The following PAPPA variants were observed in gnomAD, a reference collection of about 807,000 sequenced individuals.
The protein encoded by PAPPA is pappalysin-1.
In PAPPA, 60 loss-of-function variants were observed where a neutral mutation model predicts 164.0. The observed-to-expected ratio is 0.37, with a 90% CI of 0.30 to 0.45. The LOEUF (loss-of-function observed/expected upper bound fraction) is 0.45. Ranked by LOEUF, PAPPA falls within the 20% of genes least tolerant of loss-of-function variation. The probability of loss-of-function intolerance (pLI) is 1.00; values close to 1 mark genes in which losing one functional copy is unlikely to be tolerated. For missense variants in PAPPA, 1,782 were observed against 2,087.3 expected (o/e 0.85, Z 2.85); for synonymous variants, 875 against 814.1 (o/e 1.07, Z -1.27).
chr9:116,302,464 G>C (rs1692592125), intron 9 of PAPPA, among the ~76,000 whole-genome samples: 2 of 151,590 alleles, frequency 1.3e-5, no homozygotes, highest in African/African-American at 4.9e-5. Context: ...CCATCTATAA[G>C]TCGAATCATG....
chr9:116,172,581 A>C (rs1843786477), intron 1 of PAPPA, among the ~76,000 whole-genome samples: 1 of 152,206 alleles, frequency 6.6e-6, no homozygotes, highest in African/African-American at 2.4e-5. Flanking sequence ...TCTTCTGATT[A>C]AACTGAATTA....
intron 13 of PAPPA, among the ~76,000 whole-genome samples, chr9:116,335,538 T>C (rs1022238148): frequency 1.3e-5 from 2 of 152,146 alleles, no homozygotes; most frequent in Non-Finnish European, 2.9e-5. Context: ...GTTTCAGGGA[T>C]AGGTGAAATC....
chr9:116,221,806 T>C (rs1020983677), intron 5 of PAPPA, among the ~76,000 whole-genome samples: 2 of 152,186 alleles, frequency 1.3e-5, no homozygotes, highest in Admixed American at 1.3e-4. Context: ...AAAGACATAT[T>C]AGGCAAAGGA....
chr9:116,187,560 C>A lies in PAPPA; in HGVS notation c.822C>A (p.Thr274=). The A allele has an allele frequency of 1.9e-6, 3 of 1,614,180 alleles. No homozygotes were observed. The highest frequency in any genetic ancestry group is 2.5e-6 in the Non-Finnish European group (3 of 1,180,040). ...TQREILSDME[T]HGAHTALPQL... ...GGGAGATACTGTCTGACATGGAAAC[C>A]CATGGCGCCCACACTGCTCTACCTC... The change falls in exon 2 of 22, where the codon ACC becomes ACA. Residue 274 remains threonine (T), a synonymous_variant. Coordinates refer to ENST00000328252, the MANE Select transcript of PAPPA (RefSeq NM_002581.5). The surrounding 1 kb of genome is among the most constrained non-coding windows in gnomAD (Gnocchi z 4.2).
At chr9:116,245,421 G>A (rs1179360407) in intron 7 of PAPPA, among the ~76,000 whole-genome samples, 1 of 152,204 alleles carries the variant, frequency 6.6e-6, no homozygotes, top group Admixed American at 6.5e-5. Flanking sequence ...TTACAATACT[G>A]CCCTGGTATT....
At chr9:116,372,438 A>G (rs1289831104) in intron 19 of PAPPA, among the ~76,000 whole-genome samples, 4 of 152,182 alleles carry the variant, frequency 2.6e-5, no homozygotes, top group African/African-American at 7.2e-5. Context: ...AAACACTTGT[A>G]TGCCAAACAA....
At chr9:116,159,560 T>A (rs1587933270) in intron 1 of PAPPA, among the ~76,000 whole-genome samples, 1 of 152,308 alleles carries the variant, frequency 6.6e-6, no homozygotes, top group Non-Finnish European at 1.5e-5. Context: ...CTGGGACCTT[T>A]AAACAGGAAA....
chr9:116,322,531 T>C (rs1393288159), intron 10 of PAPPA, among the ~76,000 whole-genome samples: 2 of 152,154 alleles, frequency 1.3e-5, no homozygotes, highest in Non-Finnish European at 2.9e-5. Flanking sequence ...GAGGTTTTAT[T>C]TCACCTGGGC....
At chr9:116,227,409 C>T (rs760471707) in intron 5 of PAPPA, 22 bp from the exon 6 acceptor site, 2 of 1,613,568 alleles carry the variant, frequency 1.2e-6, no homozygotes, top group Non-Finnish European at 1.7e-6. Context: ...GGTGCATTTT[C>T]CCTCTTTCCT....
At position 116,235,337 on chromosome 9, in the gene PAPPA, G is replaced by T. The variant is rs781127991; in HGVS notation, c.2432G>T (p.Gly811Val). 3.1e-6 allele frequency: 5 copies of T among 1,613,894 alleles called. No homozygotes were observed. The African/African-American group carries it at 6.7e-5, about 22-fold the overall frequency. The part of the protein sequence containing the change: ...TFVSTDWDSS[G>V]AVNDIKLLAV... The stretch of plus-strand genomic sequence containing the variant: ...GTCTCCACTGACTGGGACTCTAGTG[G>T]AGCTGTCAATGACATCAAACTGTTG... The change falls in exon 7 of 22, where the codon GGA (glycine) becomes GTA (valine). Residue 811 changes from glycine to valine, a missense_variant. Around this residue, in one of 2 missense-constraint regions of PAPPA, gnomAD observed 1,324 missense variants for 1,656.9 expected, o/e 0.80. Coordinates refer to ENST00000328252, the MANE Select transcript of PAPPA (RefSeq NM_002581.5).
In PAPPA at chr9:116,398,672, G is replaced by T. The variant is rs1337209224; in HGVS notation, c.*2056G>T. 7.5e-6 allele frequency: 4 copies of T among 533,802 alleles called. No homozygotes were observed. Among genetic ancestry groups the T allele is most frequent in the Non-Finnish European group, 1.3e-5 (4 of 298,098 alleles). 33.1% of individuals were successfully genotyped at this position (533,802 alleles called of 1,614,324 possible). A position where few individuals can be genotyped will look rare whatever the true frequency, so the allele number is the denominator to read the frequency against. On this transcript the variant is annotated 3_prime_UTR_variant, in exon 22 of 22. Coordinates refer to ENST00000328252, the MANE Select transcript of PAPPA (RefSeq NM_002581.5). ...CAAATACGGATGCAGTGCTGAGATA[G>T]TTTATGAGACTTGTACCATTTCACA... is the stretch of plus-strand genomic sequence containing the variant.
At chr9:116,371,493 A>C (rs1846573322) in intron 19 of PAPPA, among the ~76,000 whole-genome samples, 2 of 152,220 alleles carry the variant, frequency 1.3e-5, no homozygotes, top group Admixed American at 1.3e-4. Flanking sequence ...ATATTTTGGA[A>C]AGAAAGACTT....
At chr9:116,383,118 A>T (rs2118703063) in intron 21 of PAPPA, among the ~76,000 whole-genome samples, 1 of 152,262 alleles carries the variant, frequency 6.6e-6, no homozygotes, top group African/African-American at 2.4e-5. Flanking sequence ...TCAAGTGTTT[A>T]TAGTAAACCA....
At chr9:116,192,479 C>T (rs2118640954) in intron 2 of PAPPA, among the ~76,000 whole-genome samples, 1 of 152,316 alleles carries the variant, frequency 6.6e-6, no homozygotes, top group East Asian at 1.9e-4. Context: ...CCTTCCCTTC[C>T]TTCTGTCCTT....
At chr9:116,301,163 T>C (rs1221855279) in intron 9 of PAPPA, among the ~76,000 whole-genome samples, 2 of 152,096 alleles carry the variant, frequency 1.3e-5, no homozygotes, top group East Asian at 3.9e-4. Context: ...TGACCATATA[T>C]CCTGATTTGC....
In PAPPA at chr9:116,396,556, T is replaced by C. The variant is rs1846966234; in HGVS notation, c.4824T>C (p.Cys1608=). 5 of 780,788 alleles carry C rather than the reference T, an allele frequency of 6.4e-6. No homozygotes were observed. The highest frequency in any genetic ancestry group is 1.2e-5 in the Non-Finnish European group (5 of 418,030). 48.4% of individuals were successfully genotyped at this position (780,788 alleles called of 1,614,324 possible). A position where few individuals can be genotyped will look rare whatever the true frequency, so the allele number is the denominator to read the frequency against. ...MSCDLQGDCA[C]RDPQAQEHSR... ...GTGATCTACAAGGTGACTGTGCTTG[T>C]CGGGACCCCCAGGCCCAAGAACACA... is the stretch of plus-strand genomic sequence containing the variant. The change falls in exon 22 of 22, where the codon TGT becomes TGC. Residue 1608 remains cysteine, a synonymous_variant. Coordinates refer to ENST00000328252, the MANE Select transcript of PAPPA (RefSeq NM_002581.5).
At chr9:116,250,989 G>A (rs984822770) in intron 7 of PAPPA, among the ~76,000 whole-genome samples, 1 of 152,172 alleles carries the variant, frequency 6.6e-6, no homozygotes, top group Admixed American at 6.5e-5. Context: ...GCTGGTGCCG[G>A]TGATGGGGTT....
At chr9:116,362,864 G>T in intron 18 of PAPPA, 125 bp downstream of exon 18, 1 of 880,730 alleles carries the variant, frequency 1.1e-6, no homozygotes, top group Non-Finnish European at 1.7e-6. Flanking sequence ...TACAGAAAGA[G>T]AGATGAATTA....
At chr9:116,231,208 A>G (rs1355518806) in intron 6 of PAPPA, among the ~76,000 whole-genome samples, 2 of 152,220 alleles carry the variant, frequency 1.3e-5, no homozygotes, top group East Asian at 1.9e-4. Context: ...TTATATAAAC[A>G]TGTAATTTTT....
Sources: gnomAD v4.1 joint callset for allele counts (sites outside exome capture counted in the v4.1 genomes callset) on GRCh38, gnomAD v4.1.1 for gene constraint, gnomAD v4.1.1 regional missense constraint, Gnocchi (gnomAD v3.1) non-coding constraint, MANE v1.5 for transcripts, NCBI Gene and HGNC (gene_info 2026-07-23, HGNC 2026-07-21) for gene names.